NPM1: variants seen among roughly 807,000 people sequenced by gnomAD.
NPM1 encodes the protein nucleophosmin 1.
NPM1 carries 1 observed loss-of-function variant against 44.1 expected under a neutral mutation model. The ratio of observed to expected loss-of-function variants is 0.02; its 90% CI spans 0.01 to 0.11. NPM1 has a LOEUF of 0.11. NPM1 is among the 10% of genes least tolerant of loss of function. The pLI is 1.00. For synonymous variants in NPM1, 126 were observed against 111.8 expected, an observed-to-expected ratio of 1.13 and a Z score of -0.80; for missense variants, 197 against 347.8, an observed-to-expected ratio of 0.57 and a Z score of 3.45.
At position 171,391,247 on chromosome 5, in the gene NPM1, G is replaced by C. The variant is rs932681988; in HGVS notation, c.139-58G>C. On this transcript the variant is annotated intron_variant, in intron 2 of 10. Transcript: ENST00000296930. ...CATGGCTGCATATAACATTTAGTGG[G>C]GGGGTGTAAAATAGGTGGAACTCAA... The C allele has an allele frequency of 2.5e-6, 4 of 1,586,076 alleles. No homozygotes were observed. In the African/African-American group the frequency reaches 5.4e-5, roughly 21 times the overall value.
chr5:171,388,702 G>A (rs1212308169), intron 1 of NPM1, among the ~76,000 whole-genome samples: 1 of 152,210 alleles, frequency 6.6e-6, no homozygotes, highest in African/African-American at 2.4e-5. Context: ...TAAGAGGCTG[G>A]TAGCACTAGG....
At chr5:171,408,861 A>G (rs1212413549) in intron 10 of NPM1, among the ~76,000 whole-genome samples, 2 of 152,358 alleles carry the variant, frequency 1.3e-5, no homozygotes, top group African/African-American at 2.4e-5. Context: ...TTCTTCAACT[A>G]CTGCCAAGGA....
intron 6 of NPM1, among the ~76,000 whole-genome samples, chr5:171,398,187 G>C (rs948014835): frequency 1.3e-5 from 2 of 152,176 alleles, no homozygotes; most frequent in African/African-American, 4.8e-5. Flanking sequence ...CTTTCATGAT[G>C]GTGGCCTTTG....
chr5:171,391,574 C>A, intron 3 of NPM1, 132 bp from the exon 4 acceptor site: 1 of 1,145,002 alleles, frequency 8.7e-7, no homozygotes, highest in Non-Finnish European at 1.3e-6. Context: ...AACATGGGGG[C>A]TTCTGCTGCT....
At position 171,394,539 on chromosome 5, in the gene NPM1, CT is replaced by C. The variant is rs368637447; in HGVS notation, c.524+1562del. Among the ~76,000 whole-genome samples, 24 of 152,268 alleles carry C rather than the reference CT, an allele frequency of 1.6e-4. No homozygotes were observed. In the South Asian group the frequency reaches 5.0e-3, roughly 32 times the overall value. ...CTGGACTTGAATCTCTGGGCACAAG[CT>C]ATCCTCCCCTCTCAGACTATGAAGC... On this transcript the variant is annotated intron_variant, in intron 6 of 10. Coordinates refer to ENST00000296930, the MANE Select transcript of NPM1 (RefSeq NM_002520.7).
chr5:171,409,367 C>A (rs1457983548), intron 10 of NPM1, among the ~76,000 whole-genome samples: 1 of 151,942 alleles, frequency 6.6e-6, no homozygotes, highest in African/African-American at 2.4e-5. Context: ...TGGGAGGCAA[C>A]ATGGCAAAAC....
intron 8 of NPM1, among the ~76,000 whole-genome samples, chr5:171,401,506 G>A (rs375709046): frequency 3.3e-5 from 5 of 152,140 alleles, no homozygotes; most frequent in East Asian, 3.9e-4. Flanking sequence ...GCGTGATCTC[G>A]GCTTACTGCA....
intron 6 of NPM1, among the ~76,000 whole-genome samples, chr5:171,398,731 CA>C (rs1771038723): frequency 6.6e-6 from 1 of 152,134 alleles, no homozygotes; most frequent in Non-Finnish European, 1.5e-5. Flanking sequence ...GAGATTGCAC[CA>C]CTGCACTCCA....
At chr5:171,396,746 C>G (rs746673580) in intron 6 of NPM1, among the ~76,000 whole-genome samples, 1 of 152,078 alleles carries the variant, frequency 6.6e-6, no homozygotes, top group Non-Finnish European at 1.5e-5. Flanking sequence ...TTTGGGTGGT[C>G]GATGCGGGCA....
At chr5:171,408,285 G>A (rs1771667922) in intron 10 of NPM1, among the ~76,000 whole-genome samples, 2 of 152,028 alleles carry the variant, frequency 1.3e-5, no homozygotes, top group Non-Finnish European at 1.5e-5. Flanking sequence ...TTTACAGTTA[G>A]TACATGTGAA....
At position 171,410,682 on chromosome 5, in the gene NPM1, T is replaced by TA. The variant is rs1328741453; in HGVS notation, c.*120dup. ...TGAGAACTTTCCCTACCGTGTTTGA[T>TA]AAATGTTGTCCAGGTTCTATTGCCA... On this transcript the variant is annotated 3_prime_UTR_variant, in exon 11 of 11. Coordinates refer to ENST00000296930, the MANE Select transcript of NPM1 (RefSeq NM_002520.7). 3.3e-6 allele frequency: 2 copies of TA among 611,208 alleles called. No homozygotes were observed. Among genetic ancestry groups the TA allele is most frequent in the Non-Finnish European group, 5.7e-6 (2 of 353,014 alleles). 37.9% of individuals were successfully genotyped at this position (611,208 alleles called of 1,614,324 possible).
intron 6 of NPM1, among the ~76,000 whole-genome samples, chr5:171,394,845 T>C (rs1008598288): frequency 6.6e-6 from 1 of 152,172 alleles, no homozygotes; most frequent in African/African-American, 2.4e-5. Flanking sequence ...ATTGTAGTAT[T>C]GACCCTGTTG....
At position 171,408,508 on chromosome 5, in the gene NPM1, G is replaced by T. The variant is rs369511000; in HGVS notation, c.846+734G>T. Reference sequence around the variant, plus strand: ...ATTAGCTGGTTTTTTTTCTGCCATAGTATTTTGCACTTCAATTATTTAATT... The same window carrying T: ...ATTAGCTGGTTTTTTTTCTGCCATATTATTTTGCACTTCAATTATTTAATT... On this transcript the variant is annotated intron_variant, in intron 10 of 10. Transcript: ENST00000296930. Among the ~76,000 whole-genome samples, 10 of 152,204 alleles carry T rather than the reference G, an allele frequency of 6.6e-5. No individual in the cohort carries two copies. In the East Asian group the frequency reaches 1.4e-3, roughly 21 times the overall value.
chr5:171,396,137 G>C (rs915707476), intron 6 of NPM1, among the ~76,000 whole-genome samples: 14 of 151,912 alleles, frequency 9.2e-5, no homozygotes, highest in African/African-American at 3.4e-4. Flanking sequence ...GTGCCAGCAT[G>C]CCAGGCTAAT....
intron 8 of NPM1, among the ~76,000 whole-genome samples, chr5:171,402,404 T>C (rs1449250666): frequency 6.6e-5 from 10 of 150,852 alleles, no homozygotes; most frequent in Admixed American, 6.6e-4. Context: ...ACACTCTTGG[T>C]GGGAGTGTAA....
chr5:171,402,972 T>TTTTG (rs1374577396), intron 8 of NPM1, among the ~76,000 whole-genome samples: 3 of 105,970 alleles, frequency 2.8e-5, no homozygotes, highest in Admixed American at 1.0e-4. Context: ...TTTTTCATTT[T>TTTTG]ATTTATTTAT....
chr5:171,391,218 G>A (rs1770559718), intron 2 of NPM1, 87 bp from the exon 3 acceptor site: 1 of 1,440,668 alleles, frequency 6.9e-7, no homozygotes, highest in African/African-American at 1.4e-5. Context: ...GTGGTTAAGT[G>A]ACGCATGGCT....
chr5:171,392,635 T>C, intron 4 of NPM1, 75 bp from the exon 5 acceptor site: 3 of 886,314 alleles, frequency 3.4e-6, no homozygotes, highest in South Asian at 1.7e-5. Flanking sequence ...TTTTAGAGTA[T>C]TTACTATCAG....
rs1230515549 is a variant in NPM1, at chr5:171,390,115, G to A, written c.123G>A (p.Gln41=). The change falls in exon 2 of 11, where the codon CAG becomes CAA. Residue 41 remains glutamine (Q), a synonymous_variant. Coordinates refer to ENST00000296930, the MANE Select transcript of NPM1 (RefSeq NM_002520.7). ...FKVDNDENEH[Q]LSLRTVSLGA... ...TGGATAATGATGAAAATGAGCACCA[G>A]TTATCTTTAAGAACGGTACTTAAAC... is the stretch of plus-strand genomic sequence containing the variant. 1 of 1,566,422 alleles carries A rather than the reference G, an allele frequency of 6.4e-7. No individual in the cohort carries two copies. The highest frequency in any genetic ancestry group is 8.6e-7 in the Non-Finnish European group (1 of 1,157,000).
Sources: allele counts gnomAD v4.1 joint callset (sites outside exome capture counted in the v4.1 genomes callset), GRCh38; gene constraint gnomAD v4.1.1; transcripts MANE v1.5; gene names NCBI Gene and HGNC (gene_info 2026-07-23, HGNC 2026-07-21).